PHF21B: variants seen among roughly 807,000 people sequenced by gnomAD.
PHF21B encodes PHD finger protein 4.
A neutral mutation model predicts 62.2 loss-of-function variants in PHF21B; 22 were observed. That is an observed-to-expected ratio of 0.35 (90% CI 0.25 to 0.51). The LOEUF (loss-of-function observed/expected upper bound fraction) is 0.51, where lower values mean the gene tolerates loss of function less well. Ranked by LOEUF, PHF21B falls within the 20% of genes least tolerant of loss-of-function variation. The pLI, the probability that PHF21B is intolerant of heterozygous loss-of-function variation, is 0.97. For missense variants in PHF21B, 701 were observed against 707.9 expected (o/e 0.99, Z 0.11); for synonymous variants, 341 against 314.7 (o/e 1.08, Z -0.88).
At chr22:44,892,440 G>A (rs941862107) in intron 7 of PHF21B, among the ~76,000 whole-genome samples, 5 of 152,240 alleles carry the variant, frequency 3.3e-5, no homozygotes, top group African/African-American at 4.8e-5. Context: ...CGCTCTGCGC[G>A]AAACGCCTCC....
intron 2 of PHF21B, among the ~76,000 whole-genome samples, chr22:44,931,944 G>A (rs1272887512): frequency 2.0e-5 from 3 of 152,208 alleles, no homozygotes; most frequent in Non-Finnish European, 2.9e-5. Context: ...AGCCTGCTGG[G>A]AATGTCCAAA....
chr22:44,926,522 G>A (rs1199660245), intron 2 of PHF21B, among the ~76,000 whole-genome samples: 1 of 152,224 alleles, frequency 6.6e-6, no homozygotes, highest in African/African-American at 2.4e-5. Context: ...AGGCGGGTGT[G>A]TGCTGCTGTG....
intron 2 of PHF21B, among the ~76,000 whole-genome samples, chr22:44,983,882 G>C (rs1355475720): frequency 6.6e-6 from 1 of 151,904 alleles, no homozygotes; most frequent in African/African-American, 2.4e-5. Context: ...CATTTTGCAG[G>C]TGGGAAAAGG....
chr22:44,971,017 G>T (rs2072626768), intron 2 of PHF21B: 1 of 152,346 alleles, frequency 6.6e-6, no homozygotes, highest in Admixed American at 6.5e-5. Flanking sequence ...TGCTCAAGGT[G>T]TGGTGGCCAT....
intron 2 of PHF21B, among the ~76,000 whole-genome samples, chr22:44,965,214 T>C (rs1021000453): frequency 6.6e-6 from 1 of 152,188 alleles, no homozygotes; most frequent in East Asian, 1.9e-4. Context: ...CTTCCTGACC[T>C]CTGAACACAG....
chr22:44,900,328 CT>C (rs954028734), intron 5 of PHF21B, among the ~76,000 whole-genome samples: 5 of 151,998 alleles, frequency 3.3e-5, no homozygotes, highest in African/African-American at 9.7e-5. Context: ...AGATTTACAA[CT>C]TTTTTTTGTT....
intron 3 of PHF21B, 109 bp downstream of exon 3, chr22:44,920,289 G>A: frequency 2.7e-6 from 2 of 747,422 alleles, no homozygotes; most frequent in African/African-American, 1.8e-5. Flanking sequence ...GAGGGCACGA[G>A]TTCCGCCTGG....
chr22:44,907,257 A>G (rs1024005247), intron 5 of PHF21B, among the ~76,000 whole-genome samples: 4 of 152,160 alleles, frequency 2.6e-5, no homozygotes, highest in Admixed American at 2.6e-4. Context: ...ATTTTCTGTT[A>G]TGGCTGAAAT....
Position 45,009,651 on chromosome 22 carries a change from C to G in PHF21B, c.-102G>C. ...AGCGGGCGCGGGCGGACGCGGCCTC[C>G]GGGCTGGGTTGGGGGGGACACGAGC... On this transcript the variant is annotated 5_prime_UTR_variant, in exon 1 of 13. Transcript: ENST00000313237. The surrounding 1 kb of genome is among the most constrained non-coding windows in gnomAD (Gnocchi z 5.9). 24 of 1,089,434 alleles carry G rather than the reference C, an allele frequency of 2.2e-5. No homozygotes were observed. Among genetic ancestry groups the G allele is most frequent in the Middle Eastern group, 3.2e-4 (1 of 3,156 alleles). 67.5% of individuals were successfully genotyped at this position (1,089,434 alleles called of 1,614,324 possible).
At chr22:44,889,580 C>A (rs1231271508) in intron 9 of PHF21B, among the ~76,000 whole-genome samples, 180 bp downstream of exon 9, 1 of 152,198 alleles carries the variant, frequency 6.6e-6, no homozygotes, top group Non-Finnish European at 1.5e-5. Context: ...CTTGACGCTG[C>A]CTGGCCGGCT....
chr22:44,996,199 C>G (rs1164831553), intron 2 of PHF21B, among the ~76,000 whole-genome samples: 1 of 152,188 alleles, frequency 6.6e-6, no homozygotes, highest in Non-Finnish European at 1.5e-5. Flanking sequence ...CACTCGCCAG[C>G]CCACAGCTTC....
Position 44,920,504 on chromosome 22 carries a change from G to T in PHF21B, c.121-14C>A, listed in dbSNP as rs368652963. ...CGTTCCCAAAGCCTGAAACATACAG[G>T]AGGGCAACGCTGAGACAGGAGGAGC... On this transcript the variant is annotated splice_polypyrimidine_tract_variant and intron_variant, in intron 2 of 12. Coordinates refer to ENST00000313237, the MANE Select transcript of PHF21B (RefSeq NM_138415.5). 16 of 1,598,354 alleles carry T rather than the reference G, an allele frequency of 1.0e-5. No individual in the cohort carries two copies. Among genetic ancestry groups the T allele is most frequent in the Non-Finnish European group, 1.4e-5 (16 of 1,169,776 alleles).
intron 2 of PHF21B, among the ~76,000 whole-genome samples, chr22:44,977,960 C>G (rs2072769347): frequency 6.6e-6 from 1 of 152,114 alleles, no homozygotes; most frequent in Admixed American, 6.5e-5. Flanking sequence ...AACTTCAACT[C>G]CAAGCTCCCA....
intron 2 of PHF21B, among the ~76,000 whole-genome samples, chr22:44,921,018 A>G (rs952253947): frequency 2.0e-5 from 3 of 152,234 alleles, no homozygotes; most frequent in African/African-American, 7.2e-5. Context: ...TTTCTGTAGG[A>G]GAGTCTGAAT....
At chr22:44,948,510 A>G (rs1374577901) in intron 2 of PHF21B, among the ~76,000 whole-genome samples, 1 of 150,674 alleles carries the variant, frequency 6.6e-6, no homozygotes, top group African/African-American at 2.4e-5. Flanking sequence ...GGCAAAATCC[A>G]TCTCTACTAA....
At chr22:44,900,622 T>C (rs147363263) in intron 5 of PHF21B, among the ~76,000 whole-genome samples, 3,097 of 152,330 alleles carry the variant, frequency 0.02, 49 homozygotes, top group Middle Eastern at 0.044. Context: ...TTTTTATCTG[T>C]AGCCTTTAAA....
At chr22:44,932,210 T>C (rs1366601437) in intron 2 of PHF21B, among the ~76,000 whole-genome samples, 1 of 152,174 alleles carries the variant, frequency 6.6e-6, no homozygotes, top group Admixed American at 6.5e-5. Context: ...GCCATGGGCT[T>C]GCTGTAAGGG....
intron 2 of PHF21B, among the ~76,000 whole-genome samples, chr22:44,963,535 C>G (rs1161159461): frequency 1.3e-5 from 2 of 152,250 alleles, no homozygotes; most frequent in Non-Finnish European, 2.9e-5. Context: ...TGGTCATCAT[C>G]ATCCCCAGCA....
chr22:44,915,263 T>G (rs1384675301), intron 4 of PHF21B, among the ~76,000 whole-genome samples: 1 of 152,226 alleles, frequency 6.6e-6, no homozygotes, highest in African/African-American at 2.4e-5. Flanking sequence ...AAGTCACACA[T>G]GAGAAGATAG....
Sources: allele counts gnomAD v4.1 joint callset (sites outside exome capture counted in the v4.1 genomes callset), GRCh38; gene constraint gnomAD v4.1.1; non-coding constraint Gnocchi (gnomAD v3.1); transcripts MANE v1.5; gene names NCBI Gene and HGNC (gene_info 2026-07-23, HGNC 2026-07-21).